The following COL28A1 variants were observed in gnomAD, a reference collection of about 807,000 sequenced individuals.
COL28A1 encodes collagen alpha-1(XXVIII) chain.
COL28A1 carries 161 observed loss-of-function variants against 150.2 expected under a neutral mutation model. That is an observed-to-expected ratio of 1.07 (90% CI 0.94 to 1.22). The LOEUF (loss-of-function observed/expected upper bound fraction) is 1.22. Among genes scored for constraint, COL28A1 ranks in the 50% most tolerant of loss-of-function variants. The pLI, the probability that COL28A1 is intolerant of heterozygous loss-of-function variation, is 0.00. For missense variants in COL28A1, 1,617 were observed against 1,388.3 expected, an observed-to-expected ratio of 1.16 and a Z score of -2.62; for synonymous variants, 552 against 469.7, an observed-to-expected ratio of 1.18 and a Z score of -2.26.
chr7:7,394,361 C>A (rs530681999), intron 27 of COL28A1, among the ~76,000 whole-genome samples: 10 of 152,206 alleles, frequency 6.6e-5, no homozygotes, highest in Non-Finnish European at 1.3e-4. Context: ...GAGCTGCAGA[C>A]CAGAGCTGTT....
At position 7,373,302 on chromosome 7, in the gene COL28A1, C is replaced by A; in HGVS notation, c.2604G>T (p.Met868Ile). 6.2e-7 allele frequency: 1 copy of A among 1,614,202 alleles called. No homozygotes were observed. Among genetic ancestry groups the A allele is most frequent in the East Asian group, 2.2e-5 (1 of 44,884 alleles). Reference protein sequence around the residue: ...KDDFKLAVDNMQYLGEGTYTA... With the variant: ...KDDFKLAVDNIQYLGEGTYTA... Reference sequence around the variant, plus strand: ...TGTATGTGCCTTCCCCCAGATACTGCATGTTGTCCACAGCCAACTTGAAGT... The same window carrying A: ...TGTATGTGCCTTCCCCCAGATACTGAATGTTGTCCACAGCCAACTTGAAGT... Residue 868 changes from methionine to isoleucine, a missense_variant, in exon 32 of 35, where the codon ATG (methionine) becomes ATT (isoleucine). Coordinates refer to ENST00000399429, the MANE Select transcript of COL28A1 (RefSeq NM_001037763.3). This position sits in a 1 kb window ranked among gnomAD's most constrained non-coding sequence, Gnocchi z 4.1.
chr7:7,489,380 G>A lies in COL28A1; in HGVS notation c.1164+9C>T. The A allele has an allele frequency of 8.5e-7, 1 of 1,183,350 alleles. No individual in the cohort carries two copies. The highest frequency in any genetic ancestry group is 1.3e-6 in the Non-Finnish European group (1 of 785,876). 73.3% of individuals were successfully genotyped at this position (1,183,350 alleles called of 1,614,324 possible). The stretch of plus-strand genomic sequence containing the variant: ...CCTTTTCATTCCATCTAGAATTTTT[G>A]CTACTTACTGGCTGTCCAGGCTCAC... On this transcript the variant is annotated intron_variant, in intron 13 of 34. Transcript: ENST00000399429.
intron 25 of COL28A1, among the ~76,000 whole-genome samples, chr7:7,422,912 C>T (rs1162119792): frequency 6.6e-6 from 1 of 152,110 alleles, no homozygotes; most frequent in African/African-American, 2.4e-5. Flanking sequence ...ACACTAACTG[C>T]GAGCTAAAAA....
chr7:7,413,667 T>G (rs184727481), intron 27 of COL28A1, among the ~76,000 whole-genome samples: 1 of 152,328 alleles, frequency 6.6e-6, no homozygotes, highest in Non-Finnish European at 1.5e-5. Context: ...CAAGGTTTTT[T>G]AAAATTCTGT....
At chr7:7,542,853 T>C in the COL28A1 span, among the ~76,000 whole-genome samples, 1 of 151,912 alleles carries the variant, frequency 6.6e-6, no homozygotes, top group Non-Finnish European at 1.5e-5. Flanking sequence ...GTACCAGCAA[T>C]GAGAATGCAA....
intron 11 of COL28A1, among the ~76,000 whole-genome samples, chr7:7,502,216 T>A (rs1780572475): frequency 6.6e-6 from 1 of 152,172 alleles, no homozygotes; most frequent in Non-Finnish European, 1.5e-5. Flanking sequence ...TTCTTATGAA[T>A]GCCACAAGAT....
At chr7:7,523,635 T>A (rs891872649) in intron 4 of COL28A1, among the ~76,000 whole-genome samples, 1 of 152,212 alleles carries the variant, frequency 6.6e-6, no homozygotes, top group East Asian at 1.9e-4. Context: ...TGTTCCAAAC[T>A]CTTTCTTTTA....
chr7:7,383,682 G>GTATATATATATA (rs772285848), intron 27 of COL28A1, among the ~76,000 whole-genome samples: 1,809 of 123,848 alleles, frequency 0.015, 38 homozygotes, highest in East Asian at 0.023. Flanking sequence ...GTGTGTGTGT[G>GTATATATATATA]TATATATATA....
Position 7,531,418 on chromosome 7 carries a change from C to G in COL28A1, c.611G>C (p.Gly204Ala), listed in dbSNP as rs1782344977. 6.2e-7 allele frequency: 1 copy of G among 1,601,106 alleles called. No homozygotes were observed. Among genetic ancestry groups the G allele is most frequent in the African/African-American group, 1.3e-5 (1 of 74,624 alleles). The part of the protein sequence containing the change: ...VNEAKLRLIS[G>A]DSSSEPTLLL... ...TAAAGTGGGTTCACTGGATGAATCC[C>G]CAGAAATCAAACGAAGTTTGGCTTC... is the stretch of plus-strand genomic sequence containing the variant. Residue 204 changes from glycine (G) to alanine (A), a missense_variant, in exon 3 of 35, where the codon GGG becomes GCG. Physicochemically the swap from Gly to Ala is moderately conservative, Grantham distance 60. Transcript: ENST00000399429.
intron 33 of COL28A1, among the ~76,000 whole-genome samples, chr7:7,361,894 G>A (rs936277996): frequency 2.6e-5 from 4 of 152,102 alleles, no homozygotes; most frequent in Non-Finnish European, 5.9e-5. Flanking sequence ...CATGGGTGAA[G>A]CTAGAAACCA....
chr7:7,506,985 A>T, intron 10 of COL28A1, 132 bp downstream of exon 10: 1 of 591,856 alleles, frequency 1.7e-6, no homozygotes, highest in East Asian at 2.8e-5. Context: ...TATCTTAAAC[A>T]ATATTAATGC....
the COL28A1 span, among the ~76,000 whole-genome samples, chr7:7,348,489 C>G: frequency 6.6e-6 from 1 of 152,160 alleles, no homozygotes; most frequent in East Asian, 1.9e-4. Context: ...CTCCCTCTCC[C>G]TCTCCTCCTA....
At chr7:7,464,567 G>A (rs1040362873) in intron 15 of COL28A1, among the ~76,000 whole-genome samples, 1 of 152,106 alleles carries the variant, frequency 6.6e-6, no homozygotes, top group African/African-American at 2.4e-5. Flanking sequence ...AAGATCACTG[G>A]GTCAAAAATG....
chr7:7,518,543 T>G (rs1421012425), intron 6 of COL28A1, among the ~76,000 whole-genome samples: 3 of 152,234 alleles, frequency 2.0e-5, no homozygotes, highest in Non-Finnish European at 4.4e-5. Context: ...CATTTTTGAG[T>G]TAATTTTTAA....
chr7:7,370,911 T>C (rs1479751982), intron 32 of COL28A1, 29 bp from the exon 33 acceptor site: 4 of 1,482,266 alleles, frequency 2.7e-6, no homozygotes, highest in Middle Eastern at 1.7e-4. Flanking sequence ...AAAAGAGAGA[T>C]AGTAGAAGCA....
At chr7:7,350,657 T>TC in the COL28A1 span, among the ~76,000 whole-genome samples, 1 of 73,352 alleles carries the variant, frequency 1.4e-5, no homozygotes, top group African/African-American at 4.3e-5. Context: ...TTTCTTTCCT[T>TC]TTTTTTTTTT....
In COL28A1 at chr7:7,521,107, G is replaced by C. The variant is rs1781700817; in HGVS notation, c.759+798C>G. ...GCATTAGTTGAAAATTTTTATCCATGCATTTTGTGAGATTCTCCATAGGGC... is the reference window on the plus strand; with the variant it reads ...GCATTAGTTGAAAATTTTTATCCATCCATTTTGTGAGATTCTCCATAGGGC... On this transcript the variant is annotated intron_variant, in intron 5 of 34. Transcript: ENST00000399429. Among the ~76,000 whole-genome samples the C allele has an allele frequency of 2.6e-5, 4 of 152,196 alleles. No homozygotes were observed. The South Asian group carries it at 8.3e-4, about 32-fold the overall frequency.
chr7:7,447,341 G>A (rs1583397075), intron 18 of COL28A1, among the ~76,000 whole-genome samples: 1 of 152,046 alleles, frequency 6.6e-6, no homozygotes, highest in South Asian at 2.1e-4. Flanking sequence ...CTACTCAGGA[G>A]GCTAAGGCAA....
chr7:7,497,555 G>A (rs534436810), intron 11 of COL28A1, among the ~76,000 whole-genome samples: 1 of 152,140 alleles, frequency 6.6e-6, no homozygotes, highest in Admixed American at 6.5e-5. Context: ...ATGCCAAACT[G>A]CCTCTTGAAA....
Sources: gnomAD v4.1 joint callset for allele counts (sites outside exome capture counted in the v4.1 genomes callset) on GRCh38, gnomAD v4.1.1 for gene constraint, Gnocchi (gnomAD v3.1) non-coding constraint, MANE v1.5 for transcripts, NCBI Gene and HGNC (gene_info 2026-07-23, HGNC 2026-07-21) for gene names.